The following DNAH17 variants were observed in gnomAD, a reference collection of about 807,000 sequenced individuals.
DNAH17 encodes the protein axonemal beta dynein heavy chain 17.
DNAH17 carries 376 observed loss-of-function variants against 485.6 expected under a neutral mutation model. The ratio of observed to expected loss-of-function variants is 0.77; its 90% CI spans 0.71 to 0.84. The LOEUF is 0.84. Among genes scored for constraint, DNAH17 ranks in the 40% least tolerant of loss-of-function variants. DNAH17 has a pLI of 0.00. For missense variants in DNAH17, 6,370 were observed against 5,839.3 expected (o/e 1.09, Z -2.96); for synonymous variants, 3,031 against 2,405.9 (o/e 1.26, Z -7.60).
chr17:78,501,322 G>A lies in DNAH17; in HGVS notation c.5345C>T (p.Thr1782Ile), dbSNP rs61740065. The A allele has an allele frequency of 5.0e-3, 8,048 of 1,601,490 alleles. 332 individuals carry two copies. The African/African-American group carries it at 0.092, about 18-fold the overall frequency. The change falls in exon 35 of 81, where the codon ACC (threonine) becomes ATC (isoleucine). Residue 1782 changes from threonine to isoleucine, a missense_variant. Transcript: ENST00000389840. ...GCGATGCCGGAGCTGGGCCTGCCAGGTGAAGGCCTGAGAACTCTCCACCTG... is the reference window on the plus strand; with the variant it reads ...GCGATGCCGGAGCTGGGCCTGCCAGATGAAGGCCTGAGAACTCTCCACCTG... Reference protein sequence around the residue: ...VAKVESSQAFTWQAQLRHRWD... With the variant: ...VAKVESSQAFIWQAQLRHRWD...
At position 78,424,062 on chromosome 17, in the gene DNAH17, AATGGCCTTGATGAAGATGACAGGC is replaced by A; in HGVS notation, c.13209_13232del (p.Met4403_Ala4410del). ...TCTTGGTCTCCATGCGGTCCACAGG[AATGGCCTTGATGAAGATGACAGGC>A]ATGGCCGGGGTCAGCTCTTTCAGCC... On this transcript the variant is annotated inframe_deletion, in exon 81 of 81. Transcript: ENST00000389840. The A allele has an allele frequency of 6.2e-7, 1 of 1,614,066 alleles. No homozygotes were observed. The highest frequency in any genetic ancestry group is 8.5e-7 in the Non-Finnish European group (1 of 1,179,900).
Position 78,494,706 on chromosome 17 carries a change from C to T in DNAH17, c.6157G>A (p.Asp2053Asn), listed in dbSNP as rs2090001835. The T allele has an allele frequency of 6.2e-7, 1 of 1,613,776 alleles. No individual in the cohort carries two copies. The highest frequency in any genetic ancestry group is 1.3e-5 in the African/African-American group (1 of 74,938). The part of the protein sequence containing the change: ...EDQVLMRALR[D>N]FNIPKIVTDD... Reference sequence around the variant, plus strand: ...GTCACAATCTTGGGGATGTTGAAGTCTCTCAGCGCCCGCATGAGCACCTGG... The same window carrying T: ...GTCACAATCTTGGGGATGTTGAAGTTTCTCAGCGCCCGCATGAGCACCTGG... The change falls in exon 40 of 81, where the codon GAC becomes AAC. Residue 2053 changes from aspartate (D) to asparagine (N), a missense_variant. Coordinates refer to ENST00000389840, the MANE Select transcript of DNAH17 (RefSeq NM_173628.4).
chr17:78,564,855 G>C (rs1026323085), intron 11 of DNAH17, among the ~76,000 whole-genome samples: 1 of 152,110 alleles, frequency 6.6e-6, no homozygotes, highest in African/African-American at 2.4e-5. Context: ...GCTGAGAAGG[G>C]ACCAGCCTGG....
In DNAH17 at chr17:78,428,545, C is replaced by G. The variant is rs2086561630; in HGVS notation, c.12568G>C (p.Gly4190Arg). ...CCTGCCTTCTCCTCGCGGGACACTC[C>G]CGTGCCTGCCCCCGAGTCCGTCTCT... ...PKETDSGAGT[G>R]VSREEKVKAV... is the part of the protein sequence containing the mutation. Residue 4190 changes from glycine (G) to arginine (R), a missense_variant, in exon 77 of 81, where the codon GGA becomes CGA. Physicochemically the swap from Gly to Arg is moderately radical, Grantham distance 125. Transcript: ENST00000389840. 1 of 1,610,350 alleles carries G rather than the reference C, an allele frequency of 6.2e-7. No individual in the cohort carries two copies. Among genetic ancestry groups the G allele is most frequent in the Non-Finnish European group, 8.5e-7 (1 of 1,178,344 alleles).
rs756102467 is a variant in DNAH17, at chr17:78,444,640, C to T, written c.11492G>A (p.Arg3831His). 11 of 1,596,934 alleles carry T rather than the reference C, an allele frequency of 6.9e-6. No homozygotes were observed. Among genetic ancestry groups the T allele is most frequent in the Admixed American group, 1.8e-5 (1 of 56,368 alleles). ...KTALQKLCMV[R>H]CLRPDRMTYA... ...GGTCATGCGATCTGGCCGCAGGCAG[C>T]GCACCATGCACAGCTTCTGCAGGGC... Residue 3831 changes from arginine to histidine, a missense_variant, in exon 71 of 81, where the codon CGC (arginine) becomes CAC (histidine). Coordinates refer to ENST00000389840, the MANE Select transcript of DNAH17 (RefSeq NM_173628.4).
rs540617725 is a variant in DNAH17 at position 78,461,810 on chromosome 17, G to A, written c.9175-102C>T. The stretch of plus-strand genomic sequence containing the variant: ...GCTGGGAGCCACAGAGGGGCAGAAC[G>A]GCAGGGCCGTGTCTTACGACTCCCA... On this transcript the variant is annotated intron_variant, in intron 57 of 80. Coordinates refer to ENST00000389840, the MANE Select transcript of DNAH17 (RefSeq NM_173628.4). The A allele has an allele frequency of 7.2e-4, 857 of 1,186,588 alleles. 2 individuals carry two copies. The highest frequency in any genetic ancestry group is 8.3e-4 in the Non-Finnish European group (716 of 862,234). The allele number at this position is 1,186,588 out of a possible 1,614,324, so 73.5% of individuals were successfully genotyped here.
Position 78,449,553 on chromosome 17 carries a change from T to C in DNAH17, c.11072A>G (p.Gln3691Arg). 6.2e-7 allele frequency: 1 copy of C among 1,606,066 alleles called. No individual in the cohort carries two copies. Among genetic ancestry groups the C allele is most frequent in the Non-Finnish European group, 8.5e-7 (1 of 1,176,362 alleles). The change falls in exon 69 of 81, where the codon CAG becomes CGG. Residue 3691 changes from glutamine to arginine, a missense_variant. Transcript: ENST00000389840. ...CACCTCGTTGGCAGGGGTGGTCCTC[T>C]GGATGGCTTTCTCAAACACCACGTT... ...AFNVVFEKAIQRTTPANEVKQ... is the reference protein window; with the variant it reads ...AFNVVFEKAIRRTTPANEVKQ...
At chr17:78,571,839 C>A in intron 3 of DNAH17, 57 bp from the exon 4 acceptor site, 2 of 1,476,058 alleles carry the variant, frequency 1.4e-6, no homozygotes, top group South Asian at 1.3e-5. Context: ...TGGGTCCCAC[C>A]AAGCTCTCCC....
intron 79 of DNAH17, among the ~76,000 whole-genome samples, chr17:78,425,813 T>G (rs1598429869): frequency 6.9e-6 from 1 of 145,162 alleles, no homozygotes; most frequent in East Asian, 2.0e-4. Context: ...TCACCCAGGC[T>G]GGAGTGCAGT....
At chr17:78,460,287 T>C in intron 58 of DNAH17, 30 bp from the exon 59 acceptor site, 1 of 1,557,624 alleles carries the variant, frequency 6.4e-7, no homozygotes, top group Non-Finnish European at 8.7e-7. Flanking sequence ...GAGAGGTTAC[T>C]GCAGGCCTGT....
intron 54 of DNAH17, among the ~76,000 whole-genome samples, chr17:78,472,373 G>A (rs2088802298): frequency 6.6e-6 from 1 of 151,960 alleles, no homozygotes; most frequent in African/African-American, 2.4e-5. Flanking sequence ...GCGGGTGCGA[G>A]ACACGCAGCA....
At chr17:78,451,750 C>T (rs2087563919) in intron 65 of DNAH17, 77 bp from the exon 66 acceptor site, 1 of 1,331,100 alleles carries the variant, frequency 7.5e-7, no homozygotes, top group Non-Finnish European at 1.0e-6. Context: ...GACCACCTTT[C>T]ACCCCAGCCC....
intron 79 of DNAH17, 50 bp downstream of exon 79, chr17:78,426,407 G>A (rs1156764656): frequency 6.6e-7 from 1 of 1,523,100 alleles, no homozygotes; most frequent in South Asian, 1.3e-5. Context: ...CGAGCTCTGG[G>A]CACTCGGTCC....
intron 56 of DNAH17, among the ~76,000 whole-genome samples, chr17:78,466,296 A>C (rs1445392224): frequency 6.6e-6 from 1 of 152,166 alleles, no homozygotes; most frequent in Non-Finnish European, 1.5e-5. Context: ...AACACTGCCG[A>C]AGGCCGGAAG....
intron 74 of DNAH17, among the ~76,000 whole-genome samples, chr17:78,435,675 G>A (rs571957921): frequency 3.9e-5 from 6 of 152,348 alleles, no homozygotes; most frequent in East Asian, 1.9e-4. Context: ...CACAAGTGTC[G>A]GGTCGCTGCA....
In DNAH17 at chr17:78,532,656, G is replaced by A. The variant is rs768157193; in HGVS notation, c.2940C>T (p.Ala980=). 36 of 1,595,892 alleles carry A rather than the reference G, an allele frequency of 2.3e-5. No individual in the cohort carries two copies. In the Admixed American group the frequency reaches 3.0e-4, roughly 13 times the overall value. ...TCTCAAAGGAATCCTGGTACTCCTCGGCCTCCTTCATGGCATTGATGACCA... is the reference window on the plus strand; with the variant it reads ...TCTCAAAGGAATCCTGGTACTCCTCAGCCTCCTTCATGGCATTGATGACCA... ...SSLVINAMKE[A]EEYQDSFERY... is the part of the protein sequence containing the mutation. Residue 980 remains alanine (A), a synonymous_variant, in exon 20 of 81, where the codon GCC becomes GCT. Coordinates refer to ENST00000389840, the MANE Select transcript of DNAH17 (RefSeq NM_173628.4).
At position 78,570,188 on chromosome 17, in the gene DNAH17, C is replaced by T. The variant is rs554076856; in HGVS notation, c.1044+59G>A. On this transcript the variant is annotated intron_variant, in intron 7 of 80. Transcript: ENST00000389840. ...CATGGGCAGCAGGAAAACAGTGAAC[C>T]GGGGAGGGGACCCAGCCAGGAGGGG... is the stretch of plus-strand genomic sequence containing the variant. 1.2e-4 allele frequency: 175 copies of T among 1,511,294 alleles called. No homozygotes were observed. The African/African-American group carries it at 1.4e-3, about 12-fold the overall frequency. The allele number at this position is 1,511,294 out of a possible 1,614,324, so 93.6% of individuals were successfully genotyped here.
At chr17:78,498,174 AATAAATAAATAAATAAAT>A (rs1210260375) in intron 37 of DNAH17, among the ~76,000 whole-genome samples, 3 of 151,354 alleles carry the variant, frequency 2.0e-5, no homozygotes, top group Admixed American at 6.6e-5. Context: ...TAAATAAATA[AATAAATAAATAAATAAAT>A]AAAGCAGGCT....
At chr17:78,576,997 G>A (rs778064388) in intron 1 of DNAH17, among the ~76,000 whole-genome samples, 3 of 152,194 alleles carry the variant, frequency 2.0e-5, no homozygotes, top group Non-Finnish European at 4.4e-5. Flanking sequence ...AGGCCTTCAG[G>A]ACTCCACAGG....
Sources: gnomAD v4.1 joint callset for allele counts (sites outside exome capture counted in the v4.1 genomes callset) on GRCh38, gnomAD v4.1.1 for gene constraint, MANE v1.5 for transcripts, NCBI Gene and HGNC (gene_info 2026-07-23, HGNC 2026-07-21) for gene names.